The following MYOF variants were observed in gnomAD, a reference collection of about 807,000 sequenced individuals.
The protein encoded by MYOF is myoferlin.
In MYOF, 244 loss-of-function variants were observed where a neutral mutation model predicts 284.2. The ratio of observed to expected loss-of-function variants is 0.86; its 90% CI spans 0.77 to 0.95. The LOEUF is 0.95. Among genes scored for constraint, MYOF ranks in the 40% least tolerant of loss-of-function variants. MYOF has a pLI of 0.00. For missense variants in MYOF, 2,496 were observed against 2,560.6 expected (o/e 0.97, Z 0.54); for synonymous variants, 904 against 919.7 (o/e 0.98, Z 0.31).
chr10:93,452,641 A>G (rs1176299939), intron 2 of MYOF, among the ~76,000 whole-genome samples: 1 of 151,940 alleles, frequency 6.6e-6, no homozygotes, highest in African/African-American at 2.4e-5. Flanking sequence ...CCAACATGGC[A>G]CATGTATACA....
intron 7 of MYOF, among the ~76,000 whole-genome samples, chr10:93,406,040 C>G (rs796787679): frequency 6.6e-6 from 1 of 151,364 alleles, no homozygotes; most frequent in Non-Finnish European, 1.5e-5. Flanking sequence ...TCACTGCAAC[C>G]TCCGCCTCCC....
intron 10 of MYOF, 144 bp from the exon 11 acceptor site, chr10:93,402,491 C>G (rs701863): frequency 0.7 from 466,811 of 668,548 alleles, 169,430 homozygotes; most frequent in Middle Eastern, 0.8. Context: ...TCCACTTTCA[C>G]GTCTTCTGTT....
chr10:93,410,017 G>A (rs1185347790), intron 5 of MYOF, among the ~76,000 whole-genome samples: 1 of 152,208 alleles, frequency 6.6e-6, no homozygotes, highest in Non-Finnish European at 1.5e-5. Flanking sequence ...GAGAGGAGAT[G>A]GCACCGTTGG....
At chr10:93,353,419 T>C (rs1305505840) in intron 32 of MYOF, among the ~76,000 whole-genome samples, 1 of 152,158 alleles carries the variant, frequency 6.6e-6, no homozygotes, top group Non-Finnish European at 1.5e-5. Context: ...ATGGGCAAAC[T>C]TATCATCTTT....
chr10:93,445,369 C>G (rs2056400990), intron 3 of MYOF, among the ~76,000 whole-genome samples: 1 of 152,226 alleles, frequency 6.6e-6, no homozygotes. Flanking sequence ...GGGCACAGCC[C>G]TTGGCACATG....
rs1421835555 is a variant in MYOF, at chr10:93,401,417, C to T, written c.1117+1G>A. 1 of 1,614,080 alleles carries T rather than the reference C, an allele frequency of 6.2e-7. No individual in the cohort carries two copies. Among genetic ancestry groups the T allele is most frequent in the Non-Finnish European group, 8.5e-7 (1 of 1,179,968 alleles). Reference sequence around the variant, plus strand: ...TGGGGCAAGATTAAATCAGTACATACTCTGGGGGATGTCCTCAGCTCGGTA... The same window carrying T: ...TGGGGCAAGATTAAATCAGTACATATTCTGGGGGATGTCCTCAGCTCGGTA... On this transcript the variant is annotated splice_donor_variant, in intron 12 of 53. Coordinates refer to ENST00000359263, the MANE Select transcript of MYOF (RefSeq NM_013451.4). LOFTEE classifies it high-confidence loss of function.
chr10:93,443,581 C>G (rs551904716), intron 3 of MYOF, among the ~76,000 whole-genome samples: 61 of 152,044 alleles, frequency 4.0e-4, no homozygotes, highest in Non-Finnish European at 6.6e-4. Context: ...CCCACCTGCA[C>G]CTCTCCAACT....
intron 1 of MYOF, among the ~76,000 whole-genome samples, chr10:93,467,562 A>G (rs28702471): frequency 0.19 from 29,296 of 151,786 alleles, 3,332 homozygotes; most frequent in Middle Eastern, 0.27. Flanking sequence ...GGAAGTCAGT[A>G]TGGCAATTCC....
intron 5 of MYOF, among the ~76,000 whole-genome samples, chr10:93,414,491 A>G (rs532999762): frequency 1.5e-3 from 226 of 152,178 alleles, no homozygotes; most frequent in African/African-American, 5.3e-3. Context: ...GTGAGCTGAG[A>G]TCATGCCCCT....
chr10:93,481,547 C>A (rs1390601180), intron 1 of MYOF, among the ~76,000 whole-genome samples: 2 of 152,110 alleles, frequency 1.3e-5, no homozygotes, highest in African/African-American at 4.8e-5. Context: ...AATTTAAAAG[C>A]TACAGAATGT....
At chr10:93,470,290 T>A (rs577496063) in intron 1 of MYOF, among the ~76,000 whole-genome samples, 3 of 151,686 alleles carry the variant, frequency 2.0e-5, no homozygotes, top group Non-Finnish European at 4.4e-5. Flanking sequence ...ATGTTAAAAT[T>A]AAATAACTAA....
rs1847073230 is a variant in MYOF at position 93,397,440 on chromosome 10, A to G, written c.1238T>C (p.Ile413Thr). The change falls in exon 14 of 54, where the codon ATT (isoleucine) becomes ACT (threonine). Residue 413 changes from isoleucine to threonine, a missense_variant. Ile to Thr is a moderately conservative substitution (Grantham distance 89, BLOSUM62 -1). Coordinates refer to ENST00000359263, the MANE Select transcript of MYOF (RefSeq NM_013451.4). The part of the protein sequence containing the change: ...FAGKKVCTNI[I>T]EKNANPEWNQ... ...CCACTCTGGGTTTGCATTTTTCTCA[A>G]TTATGTTTGTACAAACCTGTAAAAT... is the stretch of plus-strand genomic sequence containing the variant. The G allele has an allele frequency of 9.3e-6, 15 of 1,610,504 alleles. No individual in the cohort carries two copies. Among genetic ancestry groups the G allele is most frequent in the Non-Finnish European group, 1.0e-5 (12 of 1,179,142 alleles).
At chr10:93,461,073 A>G (rs923245089) in intron 1 of MYOF, among the ~76,000 whole-genome samples, 1 of 141,566 alleles carries the variant, frequency 7.1e-6, no homozygotes, top group Non-Finnish European at 1.5e-5. Flanking sequence ...CCAGCCTGGC[A>G]ACAAGAGCAA....
At chr10:93,434,222 G>T (rs1471243989) in intron 3 of MYOF, among the ~76,000 whole-genome samples, 3 of 152,046 alleles carry the variant, frequency 2.0e-5, no homozygotes, top group Non-Finnish European at 2.9e-5. Flanking sequence ...CTTGAGGCCA[G>T]GAGTTCAAGA....
intron 12 of MYOF, 127 bp downstream of exon 12, chr10:93,401,291 G>A (rs1196839484): frequency 1.5e-6 from 2 of 1,306,810 alleles, no homozygotes; most frequent in East Asian, 2.4e-5. Flanking sequence ...ATGAAAATAA[G>A]CCCATGAAGC....
At chr10:93,316,579 G>A (rs1301625023) in intron 50 of MYOF, 135 bp downstream of exon 50, 19 of 740,884 alleles carry the variant, frequency 2.6e-5, no homozygotes, top group Non-Finnish European at 4.1e-5. Context: ...AGCACTGGGT[G>A]TATCCCCTGT....
chr10:93,341,956 A>C, intron 38 of MYOF: 1 of 1,289,840 alleles, frequency 7.8e-7, no homozygotes, highest in Admixed American at 2.3e-5. Flanking sequence ...TGCTGTTGAC[A>C]TACTGCTTAA....
intron 1 of MYOF, among the ~76,000 whole-genome samples, chr10:93,460,782 A>ACG (rs71031510): frequency 7.1e-6 from 1 of 140,092 alleles, no homozygotes; most frequent in Admixed American, 7.4e-5. Flanking sequence ...AAAAAAAAAA[A>ACG]AAAGAAAGAA....
intron 51 of MYOF, 151 bp downstream of exon 51, chr10:93,312,869 C>G (rs1035490012): frequency 2.5e-5 from 20 of 795,646 alleles, no homozygotes; most frequent in Non-Finnish European, 3.3e-5. Context: ...CAAAGGCAAA[C>G]ATATCCCAAA....
Sources: allele counts gnomAD v4.1 joint callset (sites outside exome capture counted in the v4.1 genomes callset), GRCh38; gene constraint gnomAD v4.1.1; transcripts MANE v1.5; gene names NCBI Gene and HGNC (gene_info 2026-07-23, HGNC 2026-07-21).